CFAP299: variants seen among roughly 807,000 people sequenced by gnomAD.
CFAP299 encodes the protein cilia and flagella associated protein 299.
CFAP299 carries 21 observed loss-of-function variants against 27.0 expected under a neutral mutation model. That is an observed-to-expected ratio of 0.78 (90% CI 0.55 to 1.12). The LOEUF (loss-of-function observed/expected upper bound fraction) is 1.12, where lower values mean the gene tolerates loss of function less well. CFAP299 is among the 50% of genes most tolerant of loss of function. The pLI, the probability that CFAP299 is intolerant of heterozygous loss-of-function variation, is 0.00. For missense variants in CFAP299, 310 were observed against 276.6 expected (o/e 1.12, Z -0.86); for synonymous variants, 104 against 98.1 (o/e 1.06, Z -0.36).
chr4:80,743,853 C>T (rs928263775), intron 3 of CFAP299, among the ~76,000 whole-genome samples: 11 of 152,250 alleles, frequency 7.2e-5, no homozygotes, highest in African/African-American at 2.4e-4. Context: ...AAAGAAAATG[C>T]ATCTAAAGGT....
intron 2 of CFAP299, among the ~76,000 whole-genome samples, chr4:80,579,497 A>G (rs1736059351): frequency 6.6e-6 from 1 of 152,204 alleles, no homozygotes; most frequent in South Asian, 2.1e-4. Flanking sequence ...ATTGCCTATT[A>G]CCTTATTTTC....
At chr4:80,403,439 T>G (rs1395476424) in intron 2 of CFAP299, among the ~76,000 whole-genome samples, 1 of 151,972 alleles carries the variant, frequency 6.6e-6, no homozygotes, top group Non-Finnish European at 1.5e-5. Context: ...TTGTTCATCC[T>G]TTTTTTTCCA....
chr4:80,541,642 A>C (rs1174363691), intron 2 of CFAP299, among the ~76,000 whole-genome samples: 2 of 152,204 alleles, frequency 1.3e-5, no homozygotes, highest in Non-Finnish European at 2.9e-5. Context: ...TAGGTACTTC[A>C]TAAATTAATT....
intron 2 of CFAP299, among the ~76,000 whole-genome samples, chr4:80,445,137 C>T (rs910845069): frequency 1.3e-5 from 2 of 152,122 alleles, no homozygotes; most frequent in Non-Finnish European, 2.9e-5. Context: ...GGGTCTAGAA[C>T]CAGAAATACC....
Position 80,944,805 on chromosome 4 carries a change from T to C in CFAP299, c.477-5T>C, listed in dbSNP as rs760339841. 3.8e-6 allele frequency: 6 copies of C among 1,584,786 alleles called. No individual in the cohort carries two copies. The African/African-American group carries it at 8.2e-5, about 22-fold the overall frequency. ...TTAATTCCTAATAAATGTTTATTTT[T>C]ATAGCTTTTACAACTGGGACGCTGA... On this transcript the variant is annotated splice_region_variant and splice_polypyrimidine_tract_variant and intron_variant, in intron 4 of 5. Transcript: ENST00000358105.
chr4:80,610,200 TA>T (rs35304952), intron 3 of CFAP299, among the ~76,000 whole-genome samples: 17,473 of 151,532 alleles, frequency 0.12, 1,164 homozygotes, highest in South Asian at 0.21. Context: ...ATAAATGCTC[TA>T]AAAAAAATGA....
At chr4:80,549,508 G>A (rs942138588) in intron 2 of CFAP299, among the ~76,000 whole-genome samples, 2 of 152,114 alleles carry the variant, frequency 1.3e-5, no homozygotes, top group Non-Finnish European at 1.5e-5. Flanking sequence ...TGATTCTATG[G>A]TTAAGTAAAT....
At chr4:80,550,608 G>A (rs1042179321) in intron 2 of CFAP299, among the ~76,000 whole-genome samples, 2 of 151,980 alleles carry the variant, frequency 1.3e-5, no homozygotes, top group African/African-American at 4.8e-5. Flanking sequence ...TGAAAATGAT[G>A]TTAGAGTTTG....
At chr4:80,854,860 A>C (rs952392646) in intron 3 of CFAP299, among the ~76,000 whole-genome samples, 2 of 151,172 alleles carry the variant, frequency 1.3e-5, no homozygotes, top group Admixed American at 1.3e-4. Context: ...ATTGGGTTGA[A>C]ACGGTATCAG....
intron 3 of CFAP299, among the ~76,000 whole-genome samples, chr4:80,630,423 T>C (rs924441448): frequency 6.6e-6 from 1 of 152,194 alleles, no homozygotes; most frequent in African/African-American, 2.4e-5. Context: ...TTAAATTTGT[T>C]CTCTACTAAA....
At chr4:80,425,396 A>G (rs1413003259) in intron 2 of CFAP299, among the ~76,000 whole-genome samples, 2 of 152,104 alleles carry the variant, frequency 1.3e-5, no homozygotes, top group African/African-American at 4.8e-5. Flanking sequence ...GATACAAATT[A>G]TTTTCCCCTT....
intron 3 of CFAP299, among the ~76,000 whole-genome samples, chr4:80,820,528 C>A (rs1220151015): frequency 6.8e-6 from 1 of 146,302 alleles, no homozygotes; most frequent in Admixed American, 6.8e-5. Context: ...GTTGCTGGAG[C>A]GTAGTGGGGC....
At chr4:80,679,377 A>G (rs1468873876) in intron 3 of CFAP299, among the ~76,000 whole-genome samples, 2 of 152,078 alleles carry the variant, frequency 1.3e-5, no homozygotes, top group Non-Finnish European at 2.9e-5. Flanking sequence ...TAAAAATGCT[A>G]TAATTATATG....
At chr4:80,900,378 A>G (rs960023078) in intron 4 of CFAP299, among the ~76,000 whole-genome samples, 1 of 152,176 alleles carries the variant, frequency 6.6e-6, no homozygotes, top group African/African-American at 2.4e-5. Context: ...ATATTAACAT[A>G]GCAATATTCT....
intron 3 of CFAP299, among the ~76,000 whole-genome samples, chr4:80,638,198 G>C (rs1739548589): frequency 6.6e-6 from 1 of 152,154 alleles, no homozygotes; most frequent in African/African-American, 2.4e-5. Context: ...TCAACTTCCT[G>C]CTGCAGGCCC....
intron 3 of CFAP299, among the ~76,000 whole-genome samples, chr4:80,811,890 G>A (rs995102021): frequency 1.3e-5 from 2 of 151,784 alleles, no homozygotes; most frequent in African/African-American, 4.8e-5. Flanking sequence ...AACAAGTCTG[G>A]AATAAAACGA....
chr4:80,799,299 A>C (rs1205450712), intron 3 of CFAP299, among the ~76,000 whole-genome samples: 2 of 107,642 alleles, frequency 1.9e-5, no homozygotes, highest in South Asian at 5.0e-4. Flanking sequence ...AAATATATTT[A>C]TATAATATTT....
chr4:80,565,263 C>G (rs1207129651), intron 2 of CFAP299, among the ~76,000 whole-genome samples: 2 of 151,948 alleles, frequency 1.3e-5, no homozygotes, highest in Non-Finnish European at 1.5e-5. Context: ...AGTGACTAAC[C>G]TATTGTATAT....
chr4:80,566,141 C>G (rs985541457), intron 2 of CFAP299, among the ~76,000 whole-genome samples: 1 of 152,056 alleles, frequency 6.6e-6, no homozygotes, highest in Admixed American at 6.6e-5. Context: ...GTCTAGGATA[C>G]TTCCATCCAA....
Sources: allele counts gnomAD v4.1 joint callset (sites outside exome capture counted in the v4.1 genomes callset), GRCh38; gene constraint gnomAD v4.1.1; transcripts MANE v1.5; gene names NCBI Gene and HGNC (gene_info 2026-07-23, HGNC 2026-07-21).